Variants in KRT76 observed in about 807,000 individuals in gnomAD.
KRT76 encodes keratin, type II cytoskeletal 2 oral.
Under a neutral mutation model 44.9 loss-of-function variants are expected in KRT76, and 47 were observed. The observed-to-expected ratio is 1.05, with a 90% CI of 0.83 to 1.33. KRT76 has a LOEUF of 1.33. Among genes scored for constraint, KRT76 ranks in the 40% most tolerant of loss-of-function variants. The pLI is 0.00. For missense variants in KRT76, 860 were observed against 775.8 expected (o/e 1.11, Z -1.29); for synonymous variants, 331 against 294.1 (o/e 1.13, Z -1.28).
rs1939265656 is a variant in KRT76 at position 52,776,725 on chromosome 12, G to A, written c.567C>T (p.Thr189=). ...TGAAGGAGGCAAACTTGTTGTTGAG[G>A]GTCTTGATCTGTTCCCGCTCCTGGG... The part of the protein sequence containing the change: ...VKAQEREQIK[T]LNNKFASFID... Residue 189 remains threonine (T), a synonymous_variant, in exon 1 of 9, where the codon ACC becomes ACT. Coordinates refer to ENST00000332411, the MANE Select transcript of KRT76 (RefSeq NM_015848.4). 2 of 1,613,952 alleles carry A rather than the reference G, an allele frequency of 1.2e-6. No individual in the cohort carries two copies. Among genetic ancestry groups the A allele is most frequent in the South Asian group, 1.1e-5 (1 of 91,088 alleles).
In KRT76 at chr12:52,777,126, G is replaced by A. The variant is rs763723087; in HGVS notation, c.166C>T (p.Arg56Cys). The A allele has an allele frequency of 1.3e-5, 21 of 1,614,036 alleles. No individual in the cohort carries two copies. The highest frequency in any genetic ancestry group is 1.6e-4 in the Middle Eastern group (1 of 6,084). Residue 56 changes from arginine to cysteine, a missense_variant, in exon 1 of 9, where the codon CGC becomes TGC. Transcript: ENST00000332411. ...TTGCTGCCCAGGTTGTAGAGGCTGC[G>A]ACTGCCAAAGCTGCCTGCTCCGCTC... is the stretch of plus-strand genomic sequence containing the variant. ...FRSGAGSFGS[R>C]SLYNLGSNKS...
At position 52,768,624 on chromosome 12, in the gene KRT76, T is replaced by C. The variant is rs1939126938; in HGVS notation, c.*89A>G. On this transcript the variant is annotated 3_prime_UTR_variant, in exon 9 of 9. Transcript: ENST00000332411. ...CTTGAGGAAAAATGTGGTTGACCCT[T>C]ATGCATCTATTGATGCCAAGCAGAG... 7.0e-7 allele frequency: 1 copy of C among 1,433,890 alleles called. No individual in the cohort carries two copies. The highest frequency in any genetic ancestry group is 1.3e-5 in the South Asian group (1 of 74,282). 88.8% of individuals were successfully genotyped at this position (1,433,890 alleles called of 1,614,324 possible). A position where few individuals can be genotyped will look rare whatever the true frequency, so the allele number is the denominator to read the frequency against.
At chr12:52,774,184 G>A (rs896575851) in intron 2 of KRT76, among the ~76,000 whole-genome samples, 14 of 152,264 alleles carry the variant, frequency 9.2e-5, no homozygotes, top group Middle Eastern at 3.4e-3. Flanking sequence ...TGAAAATCAC[G>A]TAGCTGGTCC....
intron 7 of KRT76, among the ~76,000 whole-genome samples, chr12:52,769,989 C>T (rs1939155121): frequency 6.6e-6 from 1 of 152,116 alleles, no homozygotes; most frequent in Non-Finnish European, 1.5e-5. Flanking sequence ...AATGGGCCCT[C>T]CTGGGGTGGT....
Position 52,772,859 on chromosome 12 carries a change from A to C in KRT76, c.896T>G (p.Met299Arg). The change falls in exon 4 of 9, where the codon ATG becomes AGG. Residue 299 changes from methionine (M) to arginine (R), a missense_variant. Transcript: ENST00000332411. ...TTTGGCCTGCAGCTCCACCTTGTTC[A>C]TGAAAGCCGCATCCACATCCTGCAG... is the stretch of plus-strand genomic sequence containing the variant. ...GLKKDVDAAF[M>R]NKVELQAKVD... 1 of 1,614,080 alleles carries C rather than the reference A, an allele frequency of 6.2e-7. No homozygotes were observed. Among genetic ancestry groups the C allele is most frequent in the Admixed American group, 1.7e-5 (1 of 60,014 alleles).
Position 52,775,465 on chromosome 12 carries a change from A to G in KRT76, c.738T>C (p.Asp246=), listed in dbSNP as rs61730601. The G allele has an allele frequency of 3.1e-3, 4,931 of 1,614,164 alleles. 139 individuals carry two copies. The African/African-American group carries it at 0.057, about 19-fold the overall frequency. ...SYISFLCKQL[D]SLLGERGNLE... ...GGTTCCCCCTCTCCCCTAGAAGTGAATCTAGCTGCTTGCATAGGAAGCTGA... is the reference window on the plus strand; with the variant it reads ...GGTTCCCCCTCTCCCCTAGAAGTGAGTCTAGCTGCTTGCATAGGAAGCTGA... Residue 246 remains aspartate, a synonymous_variant, in exon 2 of 9, where the codon GAT becomes GAC. Transcript: ENST00000332411.
rs934464951 is a variant in KRT76 at position 52,768,579 on chromosome 12, T to C, written c.*134A>G. On this transcript the variant is annotated 3_prime_UTR_variant, in exon 9 of 9. Coordinates refer to ENST00000332411, the MANE Select transcript of KRT76 (RefSeq NM_015848.4). The stretch of plus-strand genomic sequence containing the variant: ...TCATGGGGATGGAGAAACCAGGAGT[T>C]CAGCTTCTTCTCCAGGGAACTTGAG... 4 of 1,026,284 alleles carry C rather than the reference T, an allele frequency of 3.9e-6. No individual in the cohort carries two copies. The highest frequency in any genetic ancestry group is 3.2e-5 in the African/African-American group (2 of 62,556). 63.6% of individuals were successfully genotyped at this position (1,026,284 alleles called of 1,614,324 possible).
In KRT76 at chr12:52,775,378, G is replaced by C. The variant is rs372673604; in HGVS notation, c.815+10C>G. ...CCCAGAAGGGGAAACTTCCCAGGAGGAGCCCTCACTTCTTTTTGAAGTCTT... is the reference window on the plus strand; with the variant it reads ...CCCAGAAGGGGAAACTTCCCAGGAGCAGCCCTCACTTCTTTTTGAAGTCTT... On this transcript the variant is annotated intron_variant, in intron 2 of 8. Transcript: ENST00000332411. 10 of 1,613,350 alleles carry C rather than the reference G, an allele frequency of 6.2e-6. No homozygotes were observed. In the African/African-American group the frequency reaches 1.3e-4, roughly 22 times the overall value.
chr12:52,770,331 G>C (rs373016854), intron 7 of KRT76, among the ~76,000 whole-genome samples: 12 of 152,176 alleles, frequency 7.9e-5, no homozygotes, highest in African/African-American at 2.7e-4. Context: ...GCTACTCCCT[G>C]AGCACATGAT....
Position 52,772,203 on chromosome 12 carries a change from T to C in KRT76, c.1028A>G (p.Asp343Gly), listed in dbSNP as rs1939195929. 1.2e-6 allele frequency: 2 copies of C among 1,613,156 alleles called. No individual in the cohort carries two copies. The highest frequency in any genetic ancestry group is 1.3e-5 in the African/African-American group (1 of 75,018). Residue 343 changes from aspartate (D) to glycine (G), a missense_variant, in exon 5 of 9, where the codon GAC becomes GGC. Coordinates refer to ENST00000332411, the MANE Select transcript of KRT76 (RefSeq NM_015848.4). ...ASDTSVVLSM[D>G]NNRCLDLGSI... Reference sequence around the variant, plus strand: ...GCCCAGGTCCAGGCAGCGGTTGTTGTCCATGGACAGAACCACAGACGTGTC... The same window carrying C: ...GCCCAGGTCCAGGCAGCGGTTGTTGCCCATGGACAGAACCACAGACGTGTC...
chr12:52,770,697 A>G (rs1416228896), intron 7 of KRT76, among the ~76,000 whole-genome samples: 1 of 152,196 alleles, frequency 6.6e-6, no homozygotes, highest in African/African-American at 2.4e-5. Flanking sequence ...TCATCTCAAA[A>G]AGTTCCAGTG....
Position 52,771,208 on chromosome 12 carries a change from C to T in KRT76, c.1275G>A (p.Leu425=). 6.2e-7 allele frequency: 1 copy of T among 1,614,166 alleles called. No individual in the cohort carries two copies. Among genetic ancestry groups the T allele is most frequent in the Non-Finnish European group, 8.5e-7 (1 of 1,180,030 alleles). ...IENVKKQNAN[L]QTAIAEAEQR... ...GCTCAGCCTCTGCAATTGCCGTCTG[C>T]AGGTTGGCATTCTGAGGTAGAAAAT... is the stretch of plus-strand genomic sequence containing the variant. The change falls in exon 7 of 9, where the codon CTG becomes CTA. Residue 425 remains leucine (L), a synonymous_variant. Coordinates refer to ENST00000332411, the MANE Select transcript of KRT76 (RefSeq NM_015848.4).
intron 7 of KRT76, 144 bp downstream of exon 7, chr12:52,770,855 G>A (rs1229910399): frequency 1.2e-5 from 12 of 1,014,968 alleles, no homozygotes; most frequent in Non-Finnish European, 1.8e-5. Context: ...AAAATAGTGG[G>A]GCTTGAACCC....
chr12:52,770,063 A>G (rs1013854816), intron 7 of KRT76, among the ~76,000 whole-genome samples: 1 of 152,178 alleles, frequency 6.6e-6, no homozygotes, highest in African/African-American at 2.4e-5. Flanking sequence ...TCAATGCAGG[A>G]TGGATTTGAA....
At chr12:52,769,461 G>T in intron 8 of KRT76, 88 bp downstream of exon 8, 1 of 1,125,434 alleles carries the variant, frequency 8.9e-7, no homozygotes, top group Non-Finnish European at 1.4e-6. Context: ...GATGGAACAG[G>T]CCTTCTTGCC....
At position 52,773,730 on chromosome 12, in the gene KRT76, G is replaced by A. The variant is rs113470001; in HGVS notation, c.816-88C>T. 2.5e-4 allele frequency: 274 copies of A among 1,097,566 alleles called. No homozygotes were observed. In the African/African-American group the frequency reaches 3.2e-3, roughly 13 times the overall value. The allele number at this position is 1,097,566 out of a possible 1,614,324, so 68.0% of individuals were successfully genotyped here. A position where few individuals can be genotyped will look rare whatever the true frequency, so the allele number is the denominator to read the frequency against. On this transcript the variant is annotated intron_variant, in intron 2 of 8. Coordinates refer to ENST00000332411, the MANE Select transcript of KRT76 (RefSeq NM_015848.4). ...GATTCCAGGCACTCTCCTCACCTGC[G>A]CAGAGACAGGACGAGCTTCATGGGC...
chr12:52,768,818 G>A lies in KRT76; in HGVS notation c.1812C>T (p.Ser604=). The A allele has an allele frequency of 6.2e-7, 1 of 1,613,940 alleles. No individual in the cohort carries two copies. The highest frequency in any genetic ancestry group is 8.5e-7 in the Non-Finnish European group (1 of 1,179,910). ...AGCCACTTCCTCCAGAAGTCTGGAT[G>A]CTGCCAGAGCTGGAGCCCATTCCAC... is the stretch of plus-strand genomic sequence containing the variant. ...SHSGMGSSSG[S]IQTSGGSGYK... is the part of the protein sequence containing the mutation. Residue 604 remains serine (S), a synonymous_variant, in exon 9 of 9, where the codon AGC becomes AGT. Coordinates refer to ENST00000332411, the MANE Select transcript of KRT76 (RefSeq NM_015848.4).
chr12:52,772,066 G>T (rs1939191729), intron 5 of KRT76, 28 bp downstream of exon 5: 1 of 1,606,918 alleles, frequency 6.2e-7, no homozygotes, highest in East Asian at 2.2e-5. Context: ...AGGTCATCAG[G>T]ATCCAAGGAC....
At position 52,771,225 on chromosome 12, in the gene KRT76, G is replaced by A; in HGVS notation, c.1264-6C>T. On this transcript the variant is annotated splice_region_variant and splice_polypyrimidine_tract_variant and intron_variant, in intron 6 of 8. Transcript: ENST00000332411. Reference sequence around the variant, plus strand: ...GCCGTCTGCAGGTTGGCATTCTGAGGTAGAAAATCAATTAGCATAGTGACC... The same window carrying A: ...GCCGTCTGCAGGTTGGCATTCTGAGATAGAAAATCAATTAGCATAGTGACC... 2 of 1,613,930 alleles carry A rather than the reference G, an allele frequency of 1.2e-6. No individual in the cohort carries two copies. The highest frequency in any genetic ancestry group is 1.7e-6 in the Non-Finnish European group (2 of 1,179,912).
Sources: allele counts gnomAD v4.1 joint callset (sites outside exome capture counted in the v4.1 genomes callset), GRCh38; gene constraint gnomAD v4.1.1; transcripts MANE v1.5; gene names NCBI Gene and HGNC (gene_info 2026-07-23, HGNC 2026-07-21).